Variants in PHACTR2 observed in about 807,000 individuals in gnomAD.
PHACTR2 encodes the protein chromosome 6 open reading frame 56.
A neutral mutation model predicts 76.0 loss-of-function variants in PHACTR2; 30 were observed. The ratio of observed to expected loss-of-function variants is 0.39; its 90% CI spans 0.30 to 0.54. The LOEUF is 0.54. PHACTR2 is among the 20% of genes least tolerant of loss of function. PHACTR2 has a pLI of 0.61. For synonymous variants in PHACTR2, 292 were observed against 292.5 expected (o/e 1.00, Z 0.02); for missense variants, 696 against 781.1 (o/e 0.89, Z 1.30).
chr6:143,772,228 A>ATCAC lies in PHACTR2; in HGVS notation c.1233-27_1233-24dup. 1 of 1,559,560 alleles carries ATCAC rather than the reference A, an allele frequency of 6.4e-7. No homozygotes were observed. Among genetic ancestry groups the ATCAC allele is most frequent in the Non-Finnish European group, 8.8e-7 (1 of 1,130,740 alleles). ...CGCCAAGGGTTGCTCTGAGCTTCACATCACTCCCATGCTTTTCTGCCTTTA... is the reference window on the plus strand; with the variant it reads ...CGCCAAGGGTTGCTCTGAGCTTCACATCACTCACTCCCATGCTTTTCTGCCTTTA... On this transcript the variant is annotated intron_variant, in intron 6 of 12. Transcript: ENST00000440869. The surrounding 1 kb of genome is among the most constrained non-coding windows in gnomAD (Gnocchi z 5.4).
intron 2 of PHACTR2, among the ~76,000 whole-genome samples, chr6:143,740,689 G>C (rs2091845611): frequency 6.6e-6 from 1 of 152,158 alleles, no homozygotes; most frequent in South Asian, 2.1e-4. Flanking sequence ...TTTGAACTCT[G>C]TGAGAATGTA....
chr6:143,694,724 T>C (rs1777731285), intron 1 of PHACTR2, among the ~76,000 whole-genome samples: 1 of 152,228 alleles, frequency 6.6e-6, no homozygotes, highest in African/African-American at 2.4e-5. Flanking sequence ...AGAACAAGAA[T>C]GTTCTTGCCA....
In PHACTR2 at chr6:143,753,933, T is replaced by C; in HGVS notation, c.454+21T>C. ...GAAAGGTAAAATAAAGACAAACCCA[T>C]ATTATTTACTTTAGTATATAGCTCA... On this transcript the variant is annotated intron_variant, in intron 4 of 12. Transcript: ENST00000440869. The surrounding 1 kb of genome is among the most constrained non-coding windows in gnomAD (Gnocchi z 4.6). 1.3e-6 allele frequency: 2 copies of C among 1,570,852 alleles called. No individual in the cohort carries two copies. Among genetic ancestry groups the C allele is most frequent in the South Asian group, 2.4e-5 (2 of 84,902 alleles).
At chr6:143,712,854 T>A (rs1195359744) in intron 2 of PHACTR2, among the ~76,000 whole-genome samples, 2 of 152,226 alleles carry the variant, frequency 1.3e-5, no homozygotes, top group African/African-American at 2.4e-5. Flanking sequence ...TGTAGATTTG[T>A]GAAACCTTAA....
In PHACTR2 at chr6:143,658,889, G is replaced by A. The variant is rs1776897740; in HGVS notation, c.13+50567G>A. ...AAAATACAAAACTTAGCCGGTCAGG[G>A]TGGCATGCGCCTATAATCTCAGCTG... On this transcript the variant is annotated intron_variant, in intron 1 of 11. Transcript: ENST00000305766. The surrounding 1 kb of genome is among the most constrained non-coding windows in gnomAD (Gnocchi z 4.1). Among the ~76,000 whole-genome samples, 1 of 152,028 alleles carries A rather than the reference G, an allele frequency of 6.6e-6. No individual in the cohort carries two copies. Among genetic ancestry groups the A allele is most frequent in the Non-Finnish European group, 1.5e-5 (1 of 68,002 alleles).
rs920792532 is a variant in PHACTR2 at position 143,777,596 on chromosome 6, C to T, written c.1645+213C>T. Reference sequence around the variant, plus strand: ...ATTTTATGGCTTTGAGCCTTATACCCGCCCCTAGAGCAGAGTCATGGTCAT... The same window carrying T: ...ATTTTATGGCTTTGAGCCTTATACCTGCCCCTAGAGCAGAGTCATGGTCAT... On this transcript the variant is annotated intron_variant, in intron 9 of 12. Coordinates refer to ENST00000440869, the MANE Select transcript of PHACTR2 (RefSeq NM_001100164.2). This position sits in a 1 kb window ranked among gnomAD's most constrained non-coding sequence, Gnocchi z 4.6. 8.5e-5 allele frequency among the ~76,000 whole-genome samples: 13 copies of T among 152,060 alleles called. No homozygotes were observed. The highest frequency in any genetic ancestry group is 7.7e-4 in the East Asian group (4 of 5,172).
Position 143,788,821 on chromosome 6 carries a change from C to A in PHACTR2, c.1756C>A (p.Arg586=), listed in dbSNP as rs761764697. The A allele has an allele frequency of 3.1e-6, 5 of 1,613,312 alleles. No individual in the cohort carries two copies. The highest frequency in any genetic ancestry group is 4.2e-6 in the Non-Finnish European group (5 of 1,179,308). ...AGAGCTACAAGCTCGAAGGATCCTGCGATTTAACGAGTATGTAGAAGTCAC... is the reference window on the plus strand; with the variant it reads ...AGAGCTACAAGCTCGAAGGATCCTGAGATTTAACGAGTATGTAGAAGTCAC... The part of the protein sequence containing the change: ...VAELQARRIL[R]FNEYVEVTDS... The change falls in exon 11 of 13, where the codon CGA becomes AGA. Residue 586 remains arginine, a synonymous_variant. Transcript: ENST00000440869.
chr6:143,716,077 G>A (rs1778294338), intron 2 of PHACTR2, among the ~76,000 whole-genome samples: 2 of 152,298 alleles, frequency 1.3e-5, no homozygotes, highest in African/African-American at 4.8e-5. Context: ...GACCTAGCTG[G>A]TGAGGCTGAC....
Position 143,816,059 on chromosome 6 carries a change from G to A in PHACTR2, c.1923-7615G>A, listed in dbSNP as rs1776288655. On this transcript the variant is annotated intron_variant, in intron 12 of 12. Coordinates refer to ENST00000440869, the MANE Select transcript of PHACTR2 (RefSeq NM_001100164.2). This position sits in a 1 kb window ranked among gnomAD's most constrained non-coding sequence, Gnocchi z 4.5. ...CAACAGTATGAAAATAAGAAAAAAT[G>A]TATTGCAGTTTTAAAAGAAAGAAGA... Among the ~76,000 whole-genome samples the A allele has an allele frequency of 6.6e-6, 1 of 152,034 alleles. No individual in the cohort carries two copies.
rs368959588 is a variant in PHACTR2, at chr6:143,564,609, A to G, written c.217+27402A>G. ...GATCAAGAGGTGAATCGTGTGGGATATGAAGCATGTCATGGCTGAGCTGCT... is the reference window on the plus strand; with the variant it reads ...GATCAAGAGGTGAATCGTGTGGGATGTGAAGCATGTCATGGCTGAGCTGCT... On this transcript the variant is annotated intron_variant, in intron 1 of 11. Transcript: ENST00000367584. Among the ~76,000 whole-genome samples, 19 of 152,314 alleles carry G rather than the reference A, an allele frequency of 1.2e-4. No homozygotes were observed. The East Asian group carries it at 3.3e-3, about 26-fold the overall frequency.
rs1775133524 is a variant in PHACTR2, at chr6:143,554,141, A to T, written c.217+16934A>T. ...GGAGATAACTATTTCATTCATATCAATATCAACTTAGGAGTGAATCCACAG... is the reference window on the plus strand; with the variant it reads ...GGAGATAACTATTTCATTCATATCATTATCAACTTAGGAGTGAATCCACAG... On this transcript the variant is annotated intron_variant, in intron 1 of 11. Coordinates refer to the PHACTR2 transcript ENST00000367584. This position sits in a 1 kb window ranked among gnomAD's most constrained non-coding sequence, Gnocchi z 5.9. 6.6e-6 allele frequency among the ~76,000 whole-genome samples: 1 copy of T among 152,204 alleles called. No individual in the cohort carries two copies.
chr6:143,813,201 G>A (rs559840853), intron 12 of PHACTR2, among the ~76,000 whole-genome samples: 1 of 152,226 alleles, frequency 6.6e-6, no homozygotes, highest in South Asian at 2.1e-4. Flanking sequence ...GAGTCTTACT[G>A]AAGACTCATA....
intron 2 of PHACTR2, among the ~76,000 whole-genome samples, chr6:143,719,729 T>C (rs1778396648): frequency 6.6e-6 from 1 of 151,348 alleles, no homozygotes; most frequent in African/African-American, 2.4e-5. Context: ...CCCAATTTAC[T>C]GTGTCAGGGA....
intron 1 of PHACTR2, among the ~76,000 whole-genome samples, chr6:143,577,272 T>G (rs1775526327): frequency 6.6e-6 from 1 of 152,198 alleles, no homozygotes; most frequent in African/African-American, 2.4e-5. Context: ...CACATAAAAG[T>G]AGCCAACTTG....
In PHACTR2 at chr6:143,625,710, G is replaced by T. The variant is rs1776246021; in HGVS notation, c.13+17388G>T. On this transcript the variant is annotated intron_variant, in intron 1 of 11. Coordinates refer to the PHACTR2 transcript ENST00000305766. This position sits in a 1 kb window ranked among gnomAD's most constrained non-coding sequence, Gnocchi z 4.3. ...AAGACATATTTAGCAAATATGAATT[G>T]AGTGCCTACTGGGTCAGGCACTCTT... is the stretch of plus-strand genomic sequence containing the variant. Among the ~76,000 whole-genome samples the T allele has an allele frequency of 6.6e-6, 1 of 152,184 alleles. No homozygotes were observed. Among genetic ancestry groups the T allele is most frequent in the South Asian group, 2.1e-4 (1 of 4,832 alleles).
At position 143,733,326 on chromosome 6, in the gene PHACTR2, A is replaced by G. The variant is rs1467165920; in HGVS notation, c.215-15659A>G. On this transcript the variant is annotated intron_variant, in intron 2 of 12. Transcript: ENST00000440869. The surrounding 1 kb of genome is among the most constrained non-coding windows in gnomAD (Gnocchi z 4.0). ...CTAGTAGATTATAAATTCCATGAGA[A>G]CAGGGATTTTTGTTTTCTTCTTTGG... Among the ~76,000 whole-genome samples the G allele has an allele frequency of 2.0e-5, 3 of 152,204 alleles. No homozygotes were observed. Among genetic ancestry groups the G allele is most frequent in the Admixed American group, 6.5e-5 (1 of 15,272 alleles).
intron 1 of PHACTR2, among the ~76,000 whole-genome samples, chr6:143,565,184 A>G (rs1432470439): frequency 2.0e-5 from 3 of 152,240 alleles, no homozygotes; most frequent in Admixed American, 6.5e-5. Context: ...TATGTGCAGG[A>G]TATCAGCGAG....
chr6:143,540,983 C>T (rs1204320607), intron 1 of PHACTR2, among the ~76,000 whole-genome samples: 2 of 152,134 alleles, frequency 1.3e-5, no homozygotes, highest in South Asian at 4.1e-4. Flanking sequence ...GGCTGTTCGC[C>T]AGTACAACCA....
chr6:143,801,703 CTCA>C lies in PHACTR2; in HGVS notation c.1846-5350_1846-5348del. On this transcript the variant is annotated intron_variant, in intron 11 of 12. Transcript: ENST00000440869. The surrounding 1 kb of genome is among the most constrained non-coding windows in gnomAD (Gnocchi z 4.6). ...GACCTTCTGAAGCCTACTCTGTCAA[CTCA>C]TCAAACTCATTCTCCGTCCAGTTTT... is the stretch of plus-strand genomic sequence containing the variant. Among the ~76,000 whole-genome samples, 1 of 152,276 alleles carries C rather than the reference CTCA, an allele frequency of 6.6e-6. No individual in the cohort carries two copies. Among genetic ancestry groups the C allele is most frequent in the East Asian group, 1.9e-4 (1 of 5,186 alleles).
Sources: gnomAD v4.1 joint callset for allele counts (sites outside exome capture counted in the v4.1 genomes callset) on GRCh38, gnomAD v4.1.1 for gene constraint, Gnocchi (gnomAD v3.1) non-coding constraint, MANE v1.5 for transcripts, NCBI Gene and HGNC (gene_info 2026-07-23, HGNC 2026-07-21) for gene names.